The following RBFOX1 variants were observed in gnomAD, a reference collection of about 807,000 sequenced individuals.
RBFOX1 encodes RNA binding protein fox-1 homolog 1.
Under a neutral mutation model 57.7 loss-of-function variants are expected in RBFOX1, and 8 were observed. The observed-to-expected ratio is 0.14, with a 90% CI of 0.08 to 0.25. The LOEUF is 0.25. RBFOX1 is among the 10% of genes least tolerant of loss of function. RBFOX1 has a pLI of 1.00. For synonymous variants in RBFOX1, 326 were observed against 222.4 expected (o/e 1.47, Z -4.15); for missense variants, 611 against 548.5 (o/e 1.11, Z -1.14).
At chr16:6,838,861 C>G (rs983574914) in intron 3 of RBFOX1, among the ~76,000 whole-genome samples, 1 of 152,138 alleles carries the variant, frequency 6.6e-6, no homozygotes, top group African/African-American at 2.4e-5. Flanking sequence ...GAAGGAAAAT[C>G]ACACTGAGAA....
At chr16:5,871,512 G>A (rs577748279) in intron 4 of RBFOX1, among the ~76,000 whole-genome samples, 47 of 152,158 alleles carry the variant, frequency 3.1e-4, no homozygotes, top group African/African-American at 1.1e-3. Flanking sequence ...CTGTTTTATC[G>A]CAAAAACGCA....
chr16:7,307,712 A>T (rs887545070), intron 4 of RBFOX1, among the ~76,000 whole-genome samples: 2 of 152,240 alleles, frequency 1.3e-5, no homozygotes, highest in African/African-American at 4.8e-5. Context: ...ATGTACTCAC[A>T]TAGGAACACA....
intron 4 of RBFOX1, among the ~76,000 whole-genome samples, chr16:7,142,825 A>C (rs1407281873): frequency 2.0e-5 from 3 of 152,140 alleles, no homozygotes. Context: ...TGAATGAAAG[A>C]TAGAAAGAAA....
chr16:7,048,193 TA>T (rs1169816128), intron 3 of RBFOX1, among the ~76,000 whole-genome samples: 2 of 151,196 alleles, frequency 1.3e-5, no homozygotes, highest in African/African-American at 4.9e-5. Flanking sequence ...ATTTTATTTT[TA>T]TTTTTTTAAA....
At chr16:7,450,365 G>C (rs1399812634) in intron 4 of RBFOX1, among the ~76,000 whole-genome samples, 1 of 122,058 alleles carries the variant, frequency 8.2e-6, no homozygotes, top group East Asian at 2.5e-4. Context: ...TTGCACTCCA[G>C]CCTGGCGACA....
At chr16:6,859,196 T>TATATAC (rs1491356933) in intron 3 of RBFOX1, among the ~76,000 whole-genome samples, 1 of 96,102 alleles carries the variant, frequency 1.0e-5, no homozygotes, top group Admixed American at 9.8e-5. Context: ...TATATATATA[T>TATATAC]GTATATATAT....
chr16:6,474,716 G>A (rs539325402), intron 2 of RBFOX1, among the ~76,000 whole-genome samples: 19 of 152,188 alleles, frequency 1.2e-4, no homozygotes, highest in Non-Finnish European at 2.6e-4. Flanking sequence ...TCAGTGGTGA[G>A]ATGAGTTCCC....
At chr16:6,989,434 C>G (rs2091021052) in intron 3 of RBFOX1, among the ~76,000 whole-genome samples, 1 of 152,098 alleles carries the variant, frequency 6.6e-6, no homozygotes, top group African/African-American at 2.4e-5. Flanking sequence ...GCAATTAGAA[C>G]TTTTTTTCCC....
At chr16:7,303,280 G>A (rs1412261401) in intron 4 of RBFOX1, among the ~76,000 whole-genome samples, 1 of 152,334 alleles carries the variant, frequency 6.6e-6, no homozygotes, top group Non-Finnish European at 1.5e-5. Context: ...CTGCTGGGGG[G>A]CGCAGAAACC....
At chr16:6,953,016 C>T (rs994920833) in intron 3 of RBFOX1, among the ~76,000 whole-genome samples, 7 of 152,058 alleles carry the variant, frequency 4.6e-5, no homozygotes, top group South Asian at 2.1e-4. Flanking sequence ...TACATCTTTA[C>T]CTCACCTGGC....
chr16:6,497,440 G>T (rs534574553), intron 2 of RBFOX1, among the ~76,000 whole-genome samples: 2 of 152,182 alleles, frequency 1.3e-5, no homozygotes, highest in African/African-American at 4.8e-5. Context: ...GGCCCAGAGA[G>T]CACTTGGAGA....
At chr16:6,454,853 T>A (rs1287384144) in intron 2 of RBFOX1, among the ~76,000 whole-genome samples, 2 of 123,540 alleles carry the variant, frequency 1.6e-5, no homozygotes, top group Non-Finnish European at 3.4e-5. Flanking sequence ...TTTCTCCTCA[T>A]ATACAGGTTT....
At chr16:7,243,582 C>T (rs190501728) in intron 4 of RBFOX1, among the ~76,000 whole-genome samples, 4 of 152,110 alleles carry the variant, frequency 2.6e-5, no homozygotes, top group African/African-American at 9.7e-5. Context: ...GGCTGTCACT[C>T]TGTCACCCAG....
At chr16:7,306,692 C>A (rs1366515246) in intron 4 of RBFOX1, among the ~76,000 whole-genome samples, 1 of 152,098 alleles carries the variant, frequency 6.6e-6, no homozygotes, top group African/African-American at 2.4e-5. Context: ...GGTTTTCTAG[C>A]CCTTCCTGGA....
intron 3 of RBFOX1, among the ~76,000 whole-genome samples, chr16:6,900,247 C>T (rs1252786668): frequency 6.6e-6 from 1 of 152,070 alleles, no homozygotes; most frequent in Non-Finnish European, 1.5e-5. Context: ...TTCAAACATC[C>T]CATCATAATA....
At chr16:6,365,149 C>T (rs1165375483) in intron 2 of RBFOX1, among the ~76,000 whole-genome samples, 1 of 152,110 alleles carries the variant, frequency 6.6e-6, no homozygotes, top group African/African-American at 2.4e-5. Context: ...GGAGTGCTAT[C>T]AGAATAGCAG....
chr16:5,545,460 G>A (rs1253927776), intron 2 of RBFOX1, among the ~76,000 whole-genome samples: 1 of 151,996 alleles, frequency 6.6e-6, no homozygotes, highest in Non-Finnish European at 1.5e-5. Context: ...GCAAATAATT[G>A]TAAACAAAAT....
intron 3 of RBFOX1, among the ~76,000 whole-genome samples, chr16:6,876,463 C>A (rs896832068): frequency 6.6e-6 from 1 of 152,098 alleles, no homozygotes. Flanking sequence ...AAATCACCAC[C>A]TTGGTTTTTG....
chr16:6,511,352 G>A (rs1451598469), intron 2 of RBFOX1, among the ~76,000 whole-genome samples: 2 of 152,162 alleles, frequency 1.3e-5, no homozygotes, highest in Admixed American at 1.3e-4. Flanking sequence ...TTTTCTTAGT[G>A]TCTATCATGT....
Sources: allele counts gnomAD v4.1 joint callset (sites outside exome capture counted in the v4.1 genomes callset), GRCh38; gene constraint gnomAD v4.1.1; transcripts MANE v1.5; gene names NCBI Gene and HGNC (gene_info 2026-07-23, HGNC 2026-07-21).